The following TAFA1 variants were observed in gnomAD, a reference collection of about 807,000 sequenced individuals.
TAFA1 encodes TAFA chemokine like family member 1.
TAFA1 carries 4 observed loss-of-function variants against 18.5 expected under a neutral mutation model. That is an observed-to-expected ratio of 0.22 (90% CI 0.11 to 0.49). The LOEUF (loss-of-function observed/expected upper bound fraction) is 0.49, where lower values mean the gene tolerates loss of function less well. TAFA1 is among the 20% of genes least tolerant of loss of function. The pLI, the probability that TAFA1 is intolerant of heterozygous loss-of-function variation, is 0.98. For synonymous variants in TAFA1, 56 were observed against 55.2 expected, an observed-to-expected ratio of 1.01 and a Z score of -0.06; for missense variants, 147 against 169.0, an observed-to-expected ratio of 0.87 and a Z score of 0.72.
intron 2 of TAFA1, among the ~76,000 whole-genome samples, chr3:68,205,414 A>G (rs1038412473): frequency 6.6e-6 from 1 of 151,880 alleles, no homozygotes; most frequent in Non-Finnish European, 1.5e-5. Flanking sequence ...GAGGAATGAA[A>G]AAGAACATAG....
Position 68,465,907 on chromosome 3 carries a change from G to A in TAFA1, c.259+48487G>A, listed in dbSNP as rs538797658. Among the ~76,000 whole-genome samples the A allele has an allele frequency of 2.0e-5, 3 of 152,154 alleles. No homozygotes were observed. The East Asian group carries it at 5.8e-4, about 29-fold the overall frequency. Reference sequence around the variant, plus strand: ...AATACACTAGGCAGGGGAGTAAGGGGTGGGATAGGGGAGGGAATTGCAGGC... The same window carrying A: ...AATACACTAGGCAGGGGAGTAAGGGATGGGATAGGGGAGGGAATTGCAGGC... On this transcript the variant is annotated intron_variant, in intron 3 of 4. Coordinates refer to ENST00000478136, the MANE Select transcript of TAFA1 (RefSeq NM_213609.4).
chr3:68,072,802 A>T (rs1358433926), intron 2 of TAFA1, among the ~76,000 whole-genome samples: 1 of 151,998 alleles, frequency 6.6e-6, no homozygotes, highest in Non-Finnish European at 1.5e-5. Context: ...GACATTATGG[A>T]TGTGAAGTTT....
At chr3:68,059,829 G>C (rs1457515826) in intron 2 of TAFA1, among the ~76,000 whole-genome samples, 1 of 152,188 alleles carries the variant, frequency 6.6e-6, no homozygotes, top group Non-Finnish European at 1.5e-5. Context: ...ATTAACCCAA[G>C]TGCCAGGGTG....
intron 2 of TAFA1, among the ~76,000 whole-genome samples, chr3:68,159,186 G>A (rs539432350): frequency 1.7e-4 from 26 of 152,214 alleles, no homozygotes; most frequent in Non-Finnish European, 3.5e-4. Flanking sequence ...GAAGATGATA[G>A]CACACCACCT....
chr3:68,390,108 G>GA (rs2070198133), intron 2 of TAFA1, among the ~76,000 whole-genome samples: 1 of 152,114 alleles, frequency 6.6e-6, no homozygotes, highest in African/African-American at 2.4e-5. Context: ...CCACTGGCTT[G>GA]AAATTCTCAC....
chr3:68,483,664 C>T, intron 3 of TAFA1, among the ~76,000 whole-genome samples: 1 of 152,152 alleles, frequency 6.6e-6, no homozygotes, highest in East Asian at 1.9e-4. Flanking sequence ...GTTTATTTTA[C>T]CTAGGGTGGT....
chr3:68,293,786 G>A (rs2068157309), intron 2 of TAFA1, among the ~76,000 whole-genome samples: 1 of 152,180 alleles, frequency 6.6e-6, no homozygotes. Context: ...AAATTGAAGA[G>A]CAATTTCCAG....
At chr3:68,351,510 A>G (rs963794226) in intron 2 of TAFA1, among the ~76,000 whole-genome samples, 1 of 152,058 alleles carries the variant, frequency 6.6e-6, no homozygotes, top group Non-Finnish European at 1.5e-5. Flanking sequence ...AGAGAAAAAT[A>G]AAAGTTTATT....
chr3:68,257,309 C>G (rs2067317155), intron 2 of TAFA1, among the ~76,000 whole-genome samples: 2 of 152,112 alleles, frequency 1.3e-5, no homozygotes, highest in African/African-American at 4.8e-5. Context: ...TAATTTCCAA[C>G]AGGGCATACT....
chr3:68,067,784 A>G (rs1429805816), intron 2 of TAFA1, among the ~76,000 whole-genome samples: 1 of 151,904 alleles, frequency 6.6e-6, no homozygotes, highest in Non-Finnish European at 1.5e-5. Flanking sequence ...CAATTCAACA[A>G]ACATTTACTG....
intron 2 of TAFA1, among the ~76,000 whole-genome samples, chr3:68,104,268 A>G (rs1418871552): frequency 2.0e-5 from 3 of 152,174 alleles, no homozygotes; most frequent in African/African-American, 7.2e-5. Flanking sequence ...TAAAATAATT[A>G]CAAGGACAAT....
chr3:68,002,610 T>C (rs1704295894), upstream of TAFA1, among the ~76,000 whole-genome samples: 1 of 152,226 alleles, frequency 6.6e-6, no homozygotes, highest in South Asian at 2.1e-4. Context: ...CTAGAAAGAA[T>C]GAATAATCAT....
intron 2 of TAFA1, among the ~76,000 whole-genome samples, chr3:68,118,526 A>G (rs2065350092): frequency 2.0e-5 from 3 of 151,856 alleles, no homozygotes; most frequent in African/African-American, 7.3e-5. Flanking sequence ...ACAACTCTCT[A>G]TTTCCTCCTC....
chr3:68,482,841 A>G lies in TAFA1; in HGVS notation c.260-55915A>G, dbSNP rs149069602. ...TCTGCCTGAGATTTGAGCTAACATT[A>G]GGGGAAGAACAGAGCAATGGAGAGA... On this transcript the variant is annotated intron_variant, in intron 3 of 4. Transcript: ENST00000478136. Among the ~76,000 whole-genome samples the G allele has an allele frequency of 1.7e-3, 253 of 152,314 alleles. 2 individuals are homozygous for G. Among genetic ancestry groups the G allele is most frequent in the South Asian group, 4.6e-3 (22 of 4,828 alleles).
chr3:68,287,914 T>TG (rs71112629), intron 2 of TAFA1, among the ~76,000 whole-genome samples: 5 of 53,328 alleles, frequency 9.4e-5, no homozygotes, highest in South Asian at 9.6e-4. Flanking sequence ...TGTTGGGGGG[T>TG]GGGGGGGCTT....
At chr3:68,123,683 A>G (rs1364434516) in intron 2 of TAFA1, among the ~76,000 whole-genome samples, 1 of 152,066 alleles carries the variant, frequency 6.6e-6, no homozygotes, top group South Asian at 2.1e-4. Context: ...TTAGTAACCA[A>G]CTGGTTTAAC....
chr3:68,431,854 G>A (rs937721623), intron 3 of TAFA1, among the ~76,000 whole-genome samples: 20 of 151,872 alleles, frequency 1.3e-4, no homozygotes, highest in African/African-American at 3.4e-4. Context: ...CGAGCTCCCC[G>A]AAAAAGAAAT....
chr3:68,112,880 A>G (rs2065277543), intron 2 of TAFA1, among the ~76,000 whole-genome samples: 1 of 152,208 alleles, frequency 6.6e-6, no homozygotes, highest in African/African-American at 2.4e-5. Context: ...TCCTATCAAT[A>G]AAATGACAAA....
At chr3:68,278,572 T>C (rs1034884743) in intron 2 of TAFA1, among the ~76,000 whole-genome samples, 3 of 152,192 alleles carry the variant, frequency 2.0e-5, no homozygotes, top group African/African-American at 7.2e-5. Context: ...TCAAGTTTTC[T>C]GTCTAGTGCA....
Sources: allele counts gnomAD v4.1 joint callset (sites outside exome capture counted in the v4.1 genomes callset), GRCh38; gene constraint gnomAD v4.1.1; transcripts MANE v1.5; gene names NCBI Gene and HGNC (gene_info 2026-07-23, HGNC 2026-07-21).